Variants in RPS6KA5 observed in about 807,000 individuals in gnomAD.
The protein encoded by RPS6KA5 is ribosomal protein S6 kinase alpha-5.
Under a neutral mutation model 85.5 loss-of-function variants are expected in RPS6KA5, and 27 were observed. The ratio of observed to expected loss-of-function variants is 0.32; its 90% CI spans 0.23 to 0.44. The LOEUF (loss-of-function observed/expected upper bound fraction) is 0.44, where lower values mean the gene tolerates loss of function less well. Ranked by LOEUF, RPS6KA5 falls within the 20% of genes least tolerant of loss-of-function variation. RPS6KA5 has a pLI of 1.00. For missense variants in RPS6KA5, 811 were observed against 980.9 expected (o/e 0.83, Z 2.31); for synonymous variants, 334 against 348.2 (o/e 0.96, Z 0.46).
chr14:90,988,463 T>C (rs888408096), intron 2 of RPS6KA5, among the ~76,000 whole-genome samples: 26 of 152,238 alleles, frequency 1.7e-4, no homozygotes, highest in African/African-American at 5.8e-4. Flanking sequence ...AGGAGAGGAA[T>C]GTTAACCTAT....
rs1490407265 is a variant in RPS6KA5 at position 90,848,034 on chromosome 14, C to T, written c.*24040G>A. 1 of 152,212 alleles carries T rather than the reference C, an allele frequency of 6.6e-6. No homozygotes were observed. Among genetic ancestry groups the T allele is most frequent in the Admixed American group, 6.5e-5 (1 of 15,278 alleles). The allele number at this position is 152,212 out of a possible 1,614,324, so 9.4% of individuals were successfully genotyped here. On this transcript the variant is annotated 3_prime_UTR_variant, in exon 17 of 17. Transcript: ENST00000614987. The stretch of plus-strand genomic sequence containing the variant: ...AAAACATCACATTTCTACAATACAT[C>T]TGCTTTTTTGATTCATGTGTGTTTT...
Position 90,872,227 on chromosome 14 carries a change from A to G in RPS6KA5, c.2256T>C (p.Ser752=), listed in dbSNP as rs1246656634. ...KRRKMKKTST[S]TETRSSSSES... ...CACTGGAACTGCTGCGCGTCTCGGT[A>G]CTGGTGCTAGTCTTTTTCATTTTTC... Residue 752 remains serine (S), a synonymous_variant, in exon 17 of 17, where the codon AGT becomes AGC. Transcript: ENST00000614987. 1 of 1,613,936 alleles carries G rather than the reference A, an allele frequency of 6.2e-7. No individual in the cohort carries two copies. The highest frequency in any genetic ancestry group is 1.3e-5 in the African/African-American group (1 of 74,874).
chr14:90,979,900 G>A (rs955618070), intron 2 of RPS6KA5, among the ~76,000 whole-genome samples: 1 of 152,164 alleles, frequency 6.6e-6, no homozygotes, highest in Non-Finnish European at 1.5e-5. Flanking sequence ...TGACTCCAGG[G>A]ACCACACTCT....
At chr14:90,899,556 C>A in intron 11 of RPS6KA5, 134 bp from the exon 12 acceptor site, 5 of 567,452 alleles carry the variant, frequency 8.8e-6, no homozygotes, top group Non-Finnish European at 1.6e-5. Flanking sequence ...AATGAGGTTT[C>A]CATGAAAGTA....
chr14:90,918,227 G>C (rs1394528405), intron 7 of RPS6KA5, among the ~76,000 whole-genome samples: 2 of 152,114 alleles, frequency 1.3e-5, no homozygotes, highest in Non-Finnish European at 2.9e-5. Context: ...AGCCATACTA[G>C]TTGAATATAT....
chr14:90,887,792 A>AT (rs1373223098), intron 14 of RPS6KA5, among the ~76,000 whole-genome samples: 183 of 126,528 alleles, frequency 1.4e-3, no homozygotes, highest in African/African-American at 5.1e-3. Flanking sequence ...CTTCTTTTCT[A>AT]TTTAAAAAAA....
chr14:91,043,353 G>A (rs141662509), intron 1 of RPS6KA5, among the ~76,000 whole-genome samples: 1 of 152,260 alleles, frequency 6.6e-6, no homozygotes, highest in Non-Finnish European at 1.5e-5. Context: ...GGTCAATGAT[G>A]CTAGGATTTT....
intron 3 of RPS6KA5, among the ~76,000 whole-genome samples, chr14:90,978,067 G>T (rs932025360): frequency 1.3e-5 from 2 of 151,736 alleles, no homozygotes; most frequent in Admixed American, 6.6e-5. Context: ...AAAAAGAAAA[G>T]AAAAAAAGAC....
rs1214027099 is a variant in RPS6KA5 at position 90,850,509 on chromosome 14, T to C, written c.*21565A>G. The C allele has an allele frequency of 2.0e-5, 3 of 148,680 alleles. No homozygotes were observed. Among genetic ancestry groups the C allele is most frequent in the Admixed American group, 2.0e-4 (3 of 14,946 alleles). The allele number at this position is 148,680 out of a possible 1,614,324, so 9.2% of individuals were successfully genotyped here. On this transcript the variant is annotated 3_prime_UTR_variant, in exon 17 of 17. Transcript: ENST00000614987. ...GAAAATATTACATAACCAGGCCTTT[T>C]AAATAAGGATGGAATTCAATAAAAA...
chr14:90,901,891 T>C (rs955139930), intron 9 of RPS6KA5, among the ~76,000 whole-genome samples: 4 of 152,180 alleles, frequency 2.6e-5, no homozygotes, highest in African/African-American at 9.7e-5. Context: ...AATGTTTTTA[T>C]ATGGGGGTTG....
intron 3 of RPS6KA5, among the ~76,000 whole-genome samples, chr14:90,976,151 T>A (rs1246786945): frequency 7.3e-6 from 1 of 137,540 alleles, no homozygotes; most frequent in Non-Finnish European, 1.6e-5. Flanking sequence ...TATAAAAAAA[T>A]TACAATTTTA....
Position 91,010,091 on chromosome 14 carries a change from A to T in RPS6KA5, c.104-8932T>A, listed in dbSNP as rs564174662. On this transcript the variant is annotated intron_variant, in intron 1 of 16. Transcript: ENST00000614987. ...GGGGAAGAATGAGAAAAAAAGCCAG[A>T]TTTCAAAAAGCATAATGAAGGAAGT... 6.6e-5 allele frequency among the ~76,000 whole-genome samples: 10 copies of T among 152,094 alleles called. No homozygotes were observed. The South Asian group carries it at 2.1e-3, about 32-fold the overall frequency.
Position 91,060,524 on chromosome 14 carries a change from C to T in RPS6KA5, c.-90G>A, listed in dbSNP as rs2043625314. ...TCCCCTCGCAGCCGCTGCCGCGGCCCCAGGAGTCGGGGTGCGGCGGCTCCA... is the reference window on the plus strand; with the variant it reads ...TCCCCTCGCAGCCGCTGCCGCGGCCTCAGGAGTCGGGGTGCGGCGGCTCCA... On this transcript the variant is annotated 5_prime_UTR_variant, in exon 1 of 17. Coordinates refer to ENST00000614987, the MANE Select transcript of RPS6KA5 (RefSeq NM_004755.4). 1 of 1,236,264 alleles carries T rather than the reference C, an allele frequency of 8.1e-7. No individual in the cohort carries two copies. The allele number at this position is 1,236,264 out of a possible 1,614,324, so 76.6% of individuals were successfully genotyped here.
At chr14:91,035,568 G>C (rs1010578213) in intron 1 of RPS6KA5, among the ~76,000 whole-genome samples, 1 of 151,976 alleles carries the variant, frequency 6.6e-6, no homozygotes, top group East Asian at 1.9e-4. Flanking sequence ...AGATAGAAGG[G>C]TAGGTACATT....
intron 5 of RPS6KA5, among the ~76,000 whole-genome samples, chr14:90,939,876 T>C (rs1297530697): frequency 6.6e-6 from 1 of 152,040 alleles, no homozygotes; most frequent in Non-Finnish European, 1.5e-5. Flanking sequence ...AGAAAGAAAC[T>C]TGTTCCAAAA....
intron 14 of RPS6KA5, among the ~76,000 whole-genome samples, chr14:90,876,159 T>C (rs745352758): frequency 4.8e-4 from 73 of 152,210 alleles, no homozygotes; most frequent in Non-Finnish European, 7.1e-4. Context: ...ATCACATTTA[T>C]GACTATATTC....
intron 3 of RPS6KA5, among the ~76,000 whole-genome samples, chr14:90,953,525 C>T (rs149841396): frequency 0.01 from 1,583 of 152,264 alleles, 11 homozygotes; most frequent in South Asian, 0.034. Flanking sequence ...ACTATAAGGT[C>T]TGACTGCCTG....
chr14:90,994,962 A>G (rs890404099), intron 2 of RPS6KA5, among the ~76,000 whole-genome samples: 1 of 152,230 alleles, frequency 6.6e-6, no homozygotes, highest in Non-Finnish European at 1.5e-5. Flanking sequence ...GAGAAGATTT[A>G]CATTTGCTTT....
intron 5 of RPS6KA5, among the ~76,000 whole-genome samples, chr14:90,935,191 C>T (rs1470517700): frequency 6.6e-6 from 1 of 152,100 alleles, no homozygotes; most frequent in Non-Finnish European, 1.5e-5. Context: ...GGAGCCCGAC[C>T]CTTACCTACA....
Sources: allele counts gnomAD v4.1 joint callset (sites outside exome capture counted in the v4.1 genomes callset), GRCh38; gene constraint gnomAD v4.1.1; transcripts MANE v1.5; gene names NCBI Gene and HGNC (gene_info 2026-07-23, HGNC 2026-07-21).